Variants in SLC9D1 observed in about 807,000 individuals in gnomAD.
SLC9D1 encodes the protein putative LAG1-interacting protein.
At chr13:113,549,309 A>C in the SLC9D1 span, 1 of 1,182,350 alleles carries the variant, frequency 8.5e-7, no homozygotes, top group Non-Finnish European at 1.2e-6. Flanking sequence ...GCTCAGCCTC[A>C]GGACTCTAGC....
chr13:113,492,671 G>T, the SLC9D1 span, among the ~76,000 whole-genome samples: 1 of 152,224 alleles, frequency 6.6e-6, no homozygotes, highest in East Asian at 1.9e-4. Context: ...GCTGAGGTGG[G>T]TGGATCACCT....
At chr13:113,492,347 AC>A in the SLC9D1 span, among the ~76,000 whole-genome samples, 1 of 152,198 alleles carries the variant, frequency 6.6e-6, no homozygotes, top group Non-Finnish European at 1.5e-5. Flanking sequence ...GTTGTAGATC[AC>A]ATGAAGTTGT....
the SLC9D1 span, among the ~76,000 whole-genome samples, chr13:113,499,275 A>G: frequency 6.6e-6 from 1 of 152,246 alleles, no homozygotes; most frequent in South Asian, 2.1e-4. Context: ...TGGCTTCTCT[A>G]CTGCATCTTG....
At chr13:113,498,579 C>A in the SLC9D1 span, 1 of 1,347,134 alleles carries the variant, frequency 7.4e-7, no homozygotes, top group Non-Finnish European at 1.0e-6. Context: ...AATCAGAAGA[C>A]ATGTTGTTGA....
At chr13:113,518,842 T>C in the SLC9D1 span, among the ~76,000 whole-genome samples, 1 of 152,244 alleles carries the variant, frequency 6.6e-6, no homozygotes, top group Non-Finnish European at 1.5e-5. Context: ...CAGACTGTTT[T>C]AAAATTCTAA....
At chr13:113,491,585 G>A in the SLC9D1 span, among the ~76,000 whole-genome samples, 1 of 151,232 alleles carries the variant, frequency 6.6e-6, no homozygotes, top group East Asian at 1.9e-4. Context: ...TTTCTTGCAG[G>A]TATTGTCTCC....
the SLC9D1 span, among the ~76,000 whole-genome samples, chr13:113,524,704 A>G: frequency 2.7e-5 from 4 of 146,730 alleles, no homozygotes; most frequent in Non-Finnish European, 4.6e-5. Context: ...AAATAATATT[A>G]TTTTTTTTTT....
At chr13:113,536,326 G>A in the SLC9D1 span, among the ~76,000 whole-genome samples, 1 of 146,996 alleles carries the variant, frequency 6.8e-6, no homozygotes, top group Non-Finnish European at 1.5e-5. Context: ...AGAGTTGATA[G>A]AGCAAGACTG....
At chr13:113,549,869 A>G in the SLC9D1 span, 1 of 537,102 alleles carries the variant, frequency 1.9e-6, no homozygotes, top group Non-Finnish European at 3.3e-6. Context: ...TCATCAGTTC[A>G]TAGTTTTTTT....
At chr13:113,499,417 C>T in the SLC9D1 span, among the ~76,000 whole-genome samples, 54 of 152,300 alleles carry the variant, frequency 3.5e-4, no homozygotes, top group African/African-American at 1.2e-3. Context: ...TTACCCTGCT[C>T]ATATTCAAGA....
At chr13:113,524,001 A>G in the SLC9D1 span, 1 of 411,414 alleles carries the variant, frequency 2.4e-6, no homozygotes, top group Non-Finnish European at 4.9e-6. Flanking sequence ...CAGTTCTTCT[A>G]CATTTGTTGA....
the SLC9D1 span, among the ~76,000 whole-genome samples, chr13:113,517,433 TTA>T: frequency 6.6e-6 from 1 of 152,138 alleles, no homozygotes. Flanking sequence ...TTTCACCGTG[TTA>T]GCCAGGATGG....
At chr13:113,549,510 C>G in the SLC9D1 span, 1 of 1,614,092 alleles carries the variant, frequency 6.2e-7, no homozygotes, top group Admixed American at 1.7e-5. Flanking sequence ...AGGTGTGTGC[C>G]CAGACCGGAG....
the SLC9D1 span, among the ~76,000 whole-genome samples, chr13:113,496,744 A>C: frequency 2.0e-3 from 310 of 152,356 alleles, 2 homozygotes; most frequent in African/African-American, 7.1e-3. Flanking sequence ...CTTTACCAAA[A>C]TATATTTTGG....
At chr13:113,533,714 T>G in the SLC9D1 span, among the ~76,000 whole-genome samples, 1 of 152,192 alleles carries the variant, frequency 6.6e-6, no homozygotes, top group East Asian at 1.9e-4. Flanking sequence ...GGCGGAGACT[T>G]TGATGTGCGG....
the SLC9D1 span, among the ~76,000 whole-genome samples, chr13:113,535,940 C>T: frequency 1.3e-5 from 2 of 152,104 alleles, no homozygotes; most frequent in African/African-American, 2.4e-5. The surrounding 1 kb of genome is among the most constrained non-coding windows in gnomAD (Gnocchi z 4.1). Flanking sequence ...GGATGGCACT[C>T]GCTGTCTTTG....
chr13:113,497,036 G>C, the SLC9D1 span, among the ~76,000 whole-genome samples: 2 of 152,192 alleles, frequency 1.3e-5, no homozygotes, highest in Non-Finnish European at 2.9e-5. Context: ...TCCAGGTGCC[G>C]GTGACCTGCA....
At chr13:113,533,154 G>T in the SLC9D1 span, among the ~76,000 whole-genome samples, 2 of 119,578 alleles carry the variant, frequency 1.7e-5, no homozygotes, top group African/African-American at 3.9e-5. Context: ...TCTGAAGGAC[G>T]CTGCCTCCCT....
the SLC9D1 span, among the ~76,000 whole-genome samples, chr13:113,537,133 T>C: frequency 1.3e-5 from 2 of 152,352 alleles, no homozygotes; most frequent in East Asian, 3.9e-4. Context: ...AGGATTCTCT[T>C]CTCATTTGTA....
Sources: allele counts gnomAD v4.1 joint callset (sites outside exome capture counted in the v4.1 genomes callset), GRCh38; gene constraint gnomAD v4.1.1; non-coding constraint Gnocchi (gnomAD v3.1); transcripts MANE v1.5; gene names NCBI Gene and HGNC (gene_info 2026-07-23, HGNC 2026-07-21).